LGALS8: variants seen among roughly 807,000 people sequenced by gnomAD.
LGALS8 encodes the protein galectin 8, also known as galectin-8.
In LGALS8, 30 loss-of-function variants were observed where a neutral mutation model predicts 35.9. The observed-to-expected ratio is 0.83, with a 90% CI of 0.62 to 1.13. The LOEUF is 1.13. Ranked by LOEUF, LGALS8 falls within the 50% of genes most tolerant of loss-of-function variation. The pLI is 0.00. For missense variants in LGALS8, 366 were observed against 388.7 expected, an observed-to-expected ratio of 0.94 and a Z score of 0.49; for synonymous variants, 138 against 136.1, an observed-to-expected ratio of 1.01 and a Z score of -0.10.
intron 7 of LGALS8, chr1:236,543,138 C>A: frequency 9.1e-7 from 1 of 1,104,766 alleles, no homozygotes; most frequent in Non-Finnish European, 1.4e-6. Flanking sequence ...CCAAAGCAGC[C>A]CCCTCTGCAT....
Position 236,548,334 on chromosome 1 carries a change from G to T in LGALS8, c.*173G>T. ...TTGCCATGAAGTATGGTGGTGTCTA[G>T]CACTGAATGGGGAAACTGGGGGCAG... On this transcript the variant is annotated 3_prime_UTR_variant, in exon 10 of 10. Coordinates refer to ENST00000366584, the MANE Select transcript of LGALS8 (RefSeq NM_201544.4). 1.6e-6 allele frequency: 1 copy of T among 629,812 alleles called. No homozygotes were observed. Among genetic ancestry groups the T allele is most frequent in the Admixed American group, 3.0e-5 (1 of 32,794 alleles). 39.0% of individuals were successfully genotyped at this position (629,812 alleles called of 1,614,324 possible).
upstream of LGALS8, among the ~76,000 whole-genome samples, chr1:236,519,911 G>A (rs1426444614): frequency 6.9e-6 from 1 of 145,482 alleles, no homozygotes; most frequent in Non-Finnish European, 1.5e-5. Flanking sequence ...TGAAAAAGTA[G>A]ATTGTTTTAC....
chr1:236,538,905 G>A lies in LGALS8; in HGVS notation c.161G>A (p.Ser54Asn), dbSNP rs1012303017. ...TTCCAGGTGGATCTGCAGAATGGCA[G>A]CAGCATGAAACCTCGAGCCGATGTG... is the stretch of plus-strand genomic sequence containing the variant. ...DRFQVDLQNG[S>N]SMKPRADVAF... Residue 54 changes from serine to asparagine, a missense_variant, in exon 4 of 10, where the codon AGC (serine) becomes AAC (asparagine). Physicochemically the swap from Ser to Asn is conservative, Grantham distance 46 (BLOSUM62 1). Coordinates refer to ENST00000366584, the MANE Select transcript of LGALS8 (RefSeq NM_201544.4). 7 of 1,613,002 alleles carry A rather than the reference G, an allele frequency of 4.3e-6. No individual in the cohort carries two copies. The highest frequency in any genetic ancestry group is 1.3e-5 in the African/African-American group (1 of 74,998).
chr1:236,523,883 C>CG, upstream of LGALS8: 1 of 348,108 alleles, frequency 2.9e-6, no homozygotes, highest in South Asian at 2.1e-5. Flanking sequence ...ACACAGAAGG[C>CG]GGGGCGCGGG....
chr1:236,524,546 C>T (rs1472231172), intron 1 of LGALS8: 1 of 413,346 alleles, frequency 2.4e-6, no homozygotes, highest in East Asian at 7.2e-5. Context: ...AGTCATTTGA[C>T]TGCAGTGTTA....
intron 8 of LGALS8, among the ~76,000 whole-genome samples, 199 bp downstream of exon 8, chr1:236,543,847 C>T (rs1257972372): frequency 1.3e-5 from 2 of 152,080 alleles, no homozygotes; most frequent in Admixed American, 6.5e-5. Context: ...GTTCTGACCT[C>T]GGCTTTTTCT....
At position 236,538,857 on chromosome 1, in the gene LGALS8, C is replaced by A. The variant is rs752969626; in HGVS notation, c.135-22C>A. The A allele has an allele frequency of 3.0e-5, 48 of 1,587,848 alleles. No homozygotes were observed. In the Admixed American group the frequency reaches 4.8e-4, roughly 16 times the overall value. On this transcript the variant is annotated intron_variant, in intron 3 of 9. Coordinates refer to ENST00000366584, the MANE Select transcript of LGALS8 (RefSeq NM_201544.4). ...TTTCCTTTCTGAGCACTCATGGGGC[C>A]CCTGTGTCTTCCCTCATATAGATTC...
Position 236,551,159 on chromosome 1 carries a change from A to G in LGALS8, c.*2998A>G. On this transcript the variant is annotated 3_prime_UTR_variant, in exon 10 of 10. Coordinates refer to ENST00000366584, the MANE Select transcript of LGALS8 (RefSeq NM_201544.4). Reference sequence around the variant, plus strand: ...GGCGCCACGGACCGCCTCCCTCCACACCGCTCCTTCCGCCTTCATTCCTTG... The same window carrying G: ...GGCGCCACGGACCGCCTCCCTCCACGCCGCTCCTTCCGCCTTCATTCCTTG... 3.5e-6 allele frequency: 2 copies of G among 573,000 alleles called. No individual in the cohort carries two copies. The allele number at this position is 573,000 out of a possible 1,614,324, so 35.5% of individuals were successfully genotyped here.
At chr1:236,530,657 G>C (rs1661093237) in intron 2 of LGALS8, among the ~76,000 whole-genome samples, 1 of 152,146 alleles carries the variant, frequency 6.6e-6, no homozygotes, top group African/African-American at 2.4e-5. Flanking sequence ...TCCTCTTGCA[G>C]TTTTCTGCAG....
upstream of LGALS8, among the ~76,000 whole-genome samples, chr1:236,521,974 T>C (rs374731821): frequency 1.9e-4 from 29 of 152,266 alleles, no homozygotes; most frequent in East Asian, 4.8e-3. Flanking sequence ...ACTGCAGTAA[T>C]AATGTAAGAG....
chr1:236,527,977 G>A (rs1660912028), intron 2 of LGALS8, among the ~76,000 whole-genome samples: 1 of 151,968 alleles, frequency 6.6e-6, no homozygotes, highest in South Asian at 2.1e-4. Context: ...CTCAGGTGAT[G>A]TGCCCACCTT....
chr1:236,521,174 C>T (rs985447252), upstream of LGALS8, among the ~76,000 whole-genome samples: 2 of 152,104 alleles, frequency 1.3e-5, no homozygotes, highest in African/African-American at 4.8e-5. Context: ...TAAAAAGGCA[C>T]CTTATATAGT....
chr1:236,537,036 A>ATTTTTTTTTTTTTTT, intron 2 of LGALS8, among the ~76,000 whole-genome samples: 1 of 28,024 alleles, frequency 3.6e-5, no homozygotes. Context: ...TTTTTTTTTG[A>ATTTTTTTTTTTTTTT]GACGGAGCCT....
intron 4 of LGALS8, 66 bp from the exon 5 acceptor site, chr1:236,540,498 A>G (rs1661911538): frequency 3.4e-6 from 5 of 1,453,080 alleles, no homozygotes; most frequent in Non-Finnish European, 4.6e-6. Context: ...AATTTGGATA[A>G]TAAGTTAATT....
At chr1:236,524,140 G>GA (rs1660665583) in intron 1 of LGALS8, 79 bp downstream of exon 1, 1 of 456,558 alleles carries the variant, frequency 2.2e-6, no homozygotes, top group African/African-American at 2.0e-5. Context: ...CGCCAGTGGA[G>GA]GATGGCATTC....
intron 1 of LGALS8, among the ~76,000 whole-genome samples, 160 bp from the exon 2 acceptor site, chr1:236,525,808 G>C (rs1660784659): frequency 6.6e-6 from 1 of 152,090 alleles, no homozygotes; most frequent in African/African-American, 2.4e-5. Context: ...TTTAGTATAT[G>C]AGCACACTGG....
Position 236,538,979 on chromosome 1 carries a change from A to G in LGALS8, c.235A>G (p.Asn79Asp). 1.2e-6 allele frequency: 2 copies of G among 1,614,160 alleles called. No individual in the cohort carries two copies. The highest frequency in any genetic ancestry group is 2.2e-5 in the East Asian group (1 of 44,890). ...RFKRAGCIVC[N>D]TLINEKWGRE... ...CAAAAGGGCCGGCTGCATTGTTTGC[A>G]ATACTTTGATAAATGAAAAATGGGG... Residue 79 changes from asparagine (N) to aspartate (D), a missense_variant, in exon 4 of 10, where the codon AAT becomes GAT. By Grantham distance (23) the Asn-to-Asp change is conservative (BLOSUM62 1). Coordinates refer to ENST00000366584, the MANE Select transcript of LGALS8 (RefSeq NM_201544.4).
intron 2 of LGALS8, among the ~76,000 whole-genome samples, chr1:236,535,058 CT>C (rs1353414209): frequency 1.3e-4 from 8 of 63,924 alleles, no homozygotes; most frequent in African/African-American, 4.5e-4. Context: ...GAGACTCTGT[CT>C]CAAAAAAAAA....
intron 3 of LGALS8, among the ~76,000 whole-genome samples, chr1:236,537,964 G>GA (rs398089979): frequency 1.4e-5 from 2 of 148,126 alleles, no homozygotes; most frequent in Admixed American, 6.7e-5. Flanking sequence ...AAATTAACTG[G>GA]CTTGGTGGTG....
Sources: allele counts gnomAD v4.1 joint callset (sites outside exome capture counted in the v4.1 genomes callset), GRCh38; gene constraint gnomAD v4.1.1; transcripts MANE v1.5; gene names NCBI Gene and HGNC (gene_info 2026-07-23, HGNC 2026-07-21).